The following COPG2 variants were observed in gnomAD, a reference collection of about 807,000 sequenced individuals.
COPG2 encodes the protein coat protein complex I subunit gamma 2, also known as coatomer subunit gamma-2.
In COPG2, 37 loss-of-function variants were observed where a neutral mutation model predicts 46.3. The observed-to-expected ratio is 0.80, with a 90% CI of 0.61 to 1.05. COPG2 has a LOEUF of 1.05. COPG2 is among the 50% of genes least tolerant of loss of function. COPG2 has a pLI of 0.00. For synonymous variants in COPG2, 159 were observed against 129.7 expected (o/e 1.23, Z -1.53); for missense variants, 427 against 387.8 (o/e 1.10, Z -0.85).
chr7:130,665,319 A>C (rs781992078), intron 3 of COPG2, among the ~76,000 whole-genome samples: 16 of 152,216 alleles, frequency 1.1e-4, no homozygotes, highest in Non-Finnish European at 2.2e-4. Flanking sequence ...ATTGGAAACC[A>C]TGGTTATCTT....
chr7:130,633,560 T>C (rs1795270465), intron 5 of COPG2, among the ~76,000 whole-genome samples: 1 of 152,206 alleles, frequency 6.6e-6, no homozygotes, highest in South Asian at 2.1e-4. Context: ...CTTCACCCAC[T>C]TTTTGATGGG....
intron 5 of COPG2, among the ~76,000 whole-genome samples, chr7:130,625,056 C>T (rs1253844351): frequency 6.6e-6 from 1 of 152,144 alleles, no homozygotes; most frequent in Non-Finnish European, 1.5e-5. Context: ...CCCTTTTTAT[C>T]ACATCTATGC....
At chr7:130,645,240 G>T in intron 5 of COPG2, 1 of 695,922 alleles carries the variant, frequency 1.4e-6, no homozygotes, top group Non-Finnish European at 2.6e-6. Flanking sequence ...AAAGGCTCTT[G>T]TTCATCCAGC....
rs1794898636 is a variant in COPG2, at chr7:130,613,726, T to A, written c.400-90A>T. On this transcript the variant is annotated intron_variant, in intron 6 of 23. Transcript: ENST00000425248. ...CTTCAAAATAATTTTCAAAAACCAA[T>A]CTTATATTTGTTTCTGTGCAAATAT... 5.7e-5 allele frequency: 47 copies of A among 826,494 alleles called. No individual in the cohort carries two copies. The South Asian group carries it at 6.5e-4, about 11-fold the overall frequency. The allele number at this position is 826,494 out of a possible 1,614,324, so 51.2% of individuals were successfully genotyped here. A position where few individuals can be genotyped will look rare whatever the true frequency, so the allele number is the denominator to read the frequency against.
chr7:130,630,220 G>A (rs1563064834), intron 5 of COPG2, among the ~76,000 whole-genome samples: 1 of 151,804 alleles, frequency 6.6e-6, no homozygotes, highest in Non-Finnish European at 1.5e-5. Context: ...CCCTATTTAG[G>A]TCTTATTTAA....
chr7:130,657,422 TACAA>T (rs760967888), intron 4 of COPG2, among the ~76,000 whole-genome samples: 5 of 152,008 alleles, frequency 3.3e-5, no homozygotes, highest in Non-Finnish European at 7.4e-5. Flanking sequence ...GATATAAAAC[TACAA>T]ACACCCAGAA....
intron 9 of COPG2, among the ~76,000 whole-genome samples, chr7:130,610,318 C>G (rs1794820244): frequency 6.6e-6 from 1 of 152,178 alleles, no homozygotes; most frequent in Admixed American, 6.5e-5. Context: ...TCAGGTTTCC[C>G]CTTTCAGCAG....
chr7:130,577,216 C>A (rs528958192), intron 9 of COPG2, among the ~76,000 whole-genome samples: 3 of 152,318 alleles, frequency 2.0e-5, no homozygotes, highest in African/African-American at 4.8e-5. Flanking sequence ...CCAGTGTGAG[C>A]GACGCAGAAG....
intron 20 of COPG2, among the ~76,000 whole-genome samples, chr7:130,528,129 C>T (rs1255411073): frequency 1.3e-5 from 2 of 151,772 alleles, no homozygotes; most frequent in Admixed American, 6.6e-5. Flanking sequence ...GCGGAGGAGC[C>T]GGGTTTCAGG....
chr7:130,614,926 C>T (rs1404874934), intron 6 of COPG2, among the ~76,000 whole-genome samples: 38 of 152,052 alleles, frequency 2.5e-4, no homozygotes, highest in Non-Finnish European at 4.9e-4. Context: ...CTTCATTTAC[C>T]CCACTTGGAA....
chr7:130,522,726 AAC>A (rs1799734289), intron 20 of COPG2, among the ~76,000 whole-genome samples: 1 of 152,122 alleles, frequency 6.6e-6, no homozygotes, highest in African/African-American at 2.4e-5. Context: ...GAATGCGAAA[AAC>A]ACAAAAAATG....
chr7:130,553,951 C>G (rs928652258), intron 14 of COPG2, among the ~76,000 whole-genome samples: 127 of 152,140 alleles, frequency 8.3e-4, no homozygotes, highest in African/African-American at 2.7e-3. Context: ...AATAAAATTA[C>G]TTGAGGATTT....
chr7:130,661,980 G>C (rs1443280842), intron 4 of COPG2, among the ~76,000 whole-genome samples: 17 of 152,158 alleles, frequency 1.1e-4, no homozygotes, highest in Non-Finnish European at 2.5e-4. Flanking sequence ...ACTCTTGCAG[G>C]ACATCTTATG....
chr7:130,601,938 C>T (rs1018807688), intron 9 of COPG2, among the ~76,000 whole-genome samples: 2 of 152,138 alleles, frequency 1.3e-5, no homozygotes, highest in Non-Finnish European at 2.9e-5. Context: ...GAAACTAAAG[C>T]ATCTGGCCAA....
chr7:130,597,913 T>A (rs782115885), intron 9 of COPG2, among the ~76,000 whole-genome samples: 8 of 151,304 alleles, frequency 5.3e-5, no homozygotes, highest in Non-Finnish European at 1.0e-4. Flanking sequence ...ATTACTCACA[T>A]GTTTCATGTA....
intron 20 of COPG2, among the ~76,000 whole-genome samples, chr7:130,527,166 C>T (rs1799782663): frequency 6.6e-6 from 1 of 151,594 alleles, no homozygotes; most frequent in Non-Finnish European, 1.5e-5. Context: ...GTCCATAACA[C>T]CTGACAGTCA....
rs991176027 is a variant in COPG2, at chr7:130,568,492, A to C, written c.738-4099T>G. On this transcript the variant is annotated intron_variant, in intron 9 of 23. Coordinates refer to ENST00000425248, the MANE Select transcript of COPG2 (RefSeq NM_012133.6). ...GACATTATATAATGATAAAAGCACT[A>C]GTCCAACAGGAAAATATCACAATCC... is the stretch of plus-strand genomic sequence containing the variant. Among the ~76,000 whole-genome samples, 3 of 152,344 alleles carry C rather than the reference A, an allele frequency of 2.0e-5. 1 individual carries two copies. The highest frequency in any genetic ancestry group is 3.9e-4 in the East Asian group (2 of 5,192).
chr7:130,514,074 AT>A (rs1554441408), intron 20 of COPG2, among the ~76,000 whole-genome samples: 1 of 152,276 alleles, frequency 6.6e-6, no homozygotes, highest in African/African-American at 2.4e-5. Flanking sequence ...CCCTTAAAAA[AT>A]GTGGGTTTAT....
chr7:130,557,804 T>C (rs1398656933), intron 12 of COPG2, among the ~76,000 whole-genome samples: 2 of 47,078 alleles, frequency 4.2e-5, no homozygotes, highest in Admixed American at 7.3e-4. Context: ...GCAGCAAGAA[T>C]GAAACTCCAT....
Sources: gnomAD v4.1 joint callset for allele counts (sites outside exome capture counted in the v4.1 genomes callset) on GRCh38, gnomAD v4.1.1 for gene constraint, MANE v1.5 for transcripts, NCBI Gene and HGNC (gene_info 2026-07-23, HGNC 2026-07-21) for gene names.